Variants in NAV2 observed in about 807,000 individuals in gnomAD.
NAV2 encodes neuron navigator 2.
In NAV2, 54 loss-of-function variants were observed where a neutral mutation model predicts 223.2. The observed-to-expected ratio is 0.24, with a 90% CI of 0.19 to 0.30. The LOEUF is 0.30. Among genes scored for constraint, NAV2 ranks in the 10% least tolerant of loss-of-function variants. NAV2 has a pLI of 1.00. For synonymous variants in NAV2, 1,279 were observed against 1,239.3 expected (o/e 1.03, Z -0.67); for missense variants, 2,806 against 3,147.5 (o/e 0.89, Z 2.60).
chr11:19,610,240 A>AT (rs964619862), intron 1 of NAV2, among the ~76,000 whole-genome samples: 1 of 151,962 alleles, frequency 6.6e-6, no homozygotes, highest in Non-Finnish European at 1.5e-5. Context: ...CAATTCAATC[A>AT]TTTTTTTTCT....
At chr11:20,109,774 A>G (rs1336530525) in intron 36 of NAV2, among the ~76,000 whole-genome samples, 3 of 152,204 alleles carry the variant, frequency 2.0e-5, no homozygotes, top group Non-Finnish European at 4.4e-5. Flanking sequence ...CTTCTGGTGT[A>G]GGAAGGGGAG....
intron 1 of NAV2, among the ~76,000 whole-genome samples, chr11:19,635,897 G>A (rs2047484900): frequency 6.6e-6 from 1 of 152,210 alleles, no homozygotes; most frequent in Non-Finnish European, 1.5e-5. Context: ...GGATAGGTGA[G>A]CAGAGGGTAT....
intron 25 of NAV2, among the ~76,000 whole-genome samples, chr11:20,082,794 A>C (rs1272094180): frequency 6.6e-6 from 1 of 152,202 alleles, no homozygotes. Context: ...TAGGCATGGA[A>C]TGTTACCCAC....
chr11:19,669,752 T>C (rs1008299387), intron 1 of NAV2, among the ~76,000 whole-genome samples: 6 of 152,138 alleles, frequency 3.9e-5, no homozygotes, highest in Non-Finnish European at 7.4e-5. Flanking sequence ...CCTTTCCTCT[T>C]AGTAAATTCC....
At chr11:19,781,779 A>G (rs184103751) in intron 1 of NAV2, among the ~76,000 whole-genome samples, 1 of 151,788 alleles carries the variant, frequency 6.6e-6, no homozygotes, top group African/African-American at 2.4e-5. Flanking sequence ...TTTAATCCCT[A>G]ACTTTATGGA....
intron 1 of NAV2, among the ~76,000 whole-genome samples, chr11:19,648,118 T>A (rs2047868712): frequency 1.3e-5 from 2 of 152,288 alleles, no homozygotes; most frequent in South Asian, 4.1e-4. Flanking sequence ...GAGCTACTTG[T>A]GAAAAGCAGT....
chr11:19,716,825 A>G (rs898037986), intron 1 of NAV2, among the ~76,000 whole-genome samples: 6 of 152,358 alleles, frequency 3.9e-5, no homozygotes, highest in African/African-American at 1.4e-4. Flanking sequence ...ATCACTTTCT[A>G]TGTGCCAGGA....
intron 1 of NAV2, among the ~76,000 whole-genome samples, chr11:19,416,174 A>T (rs937076391): frequency 6.6e-6 from 1 of 152,218 alleles, no homozygotes; most frequent in Admixed American, 6.5e-5. Flanking sequence ...TTCAGATGAC[A>T]TGATTGTATA....
chr11:19,560,440 G>T (rs1038155666), intron 1 of NAV2, among the ~76,000 whole-genome samples: 1 of 152,190 alleles, frequency 6.6e-6, no homozygotes, highest in Non-Finnish European at 1.5e-5. Context: ...TTTAATTGGA[G>T]TCTCTGAGCC....
Position 19,714,613 on chromosome 11 carries a change from TGGG to T in NAV2, c.267+654_267+656del, listed in dbSNP as rs572173978. 3.3e-3 allele frequency: 1,122 copies of T among 343,444 alleles called. 23 individuals are homozygous for T. The Admixed American group carries it at 0.035, about 11-fold the overall frequency. 21.3% of individuals were successfully genotyped at this position (343,444 alleles called of 1,614,324 possible). A position where few individuals can be genotyped will look rare whatever the true frequency, so the allele number is the denominator to read the frequency against. ...CCTTGGCTGGCTGTTGCGGTGGGGGTGGGGGTGGAGGTGGCTGCCTCAGAATGG... is the reference window on the plus strand; with the variant it reads ...CCTTGGCTGGCTGTTGCGGTGGGGGTGGTGGAGGTGGCTGCCTCAGAATGG... On this transcript the variant is annotated intron_variant, in intron 1 of 37. Coordinates refer to ENST00000349880, the MANE Select transcript of NAV2 (RefSeq NM_145117.5).
At chr11:20,037,905 C>T (rs1308964026) in intron 12 of NAV2, among the ~76,000 whole-genome samples, 4 of 97,210 alleles carry the variant, frequency 4.1e-5, no homozygotes, top group Non-Finnish European at 8.2e-5. Context: ...TCCTTAGATA[C>T]TAAGGAAGGA....
At chr11:20,020,279 C>G (rs905627180) in intron 11 of NAV2, among the ~76,000 whole-genome samples, 1 of 152,198 alleles carries the variant, frequency 6.6e-6, no homozygotes, top group East Asian at 1.9e-4. Flanking sequence ...TTATAGATGG[C>G]TCTGTGAGTA....
intron 1 of NAV2, among the ~76,000 whole-genome samples, chr11:19,584,294 G>A (rs569216147): frequency 5.3e-5 from 8 of 151,852 alleles, no homozygotes; most frequent in Non-Finnish European, 1.0e-4. Flanking sequence ...TCTTGCTAGC[G>A]GTCTATCGAT....
chr11:19,750,201 A>G (rs1426637198), intron 1 of NAV2, among the ~76,000 whole-genome samples: 1 of 152,062 alleles, frequency 6.6e-6, no homozygotes, highest in Non-Finnish European at 1.5e-5. Flanking sequence ...TGGTATGCTC[A>G]TCTCACCCCC....
chr11:19,889,758 A>G (rs2041332746), intron 5 of NAV2, among the ~76,000 whole-genome samples: 1 of 152,240 alleles, frequency 6.6e-6, no homozygotes, highest in African/African-American at 2.4e-5. Context: ...CATTCCAGAG[A>G]GTGGAGCCCA....
chr11:19,964,492 C>CCTTTTT (rs60424234), intron 10 of NAV2, among the ~76,000 whole-genome samples: 1 of 146,606 alleles, frequency 6.8e-6, no homozygotes, highest in African/African-American at 2.5e-5. Flanking sequence ...TTTTCATCCT[C>CCTTTTT]TTTTTTTTTT....
intron 1 of NAV2, among the ~76,000 whole-genome samples, chr11:19,392,138 T>C (rs1169493043): frequency 1.3e-5 from 2 of 152,190 alleles, no homozygotes; most frequent in Admixed American, 1.3e-4. Context: ...AAAAGTAGTA[T>C]GGAATAGTGG....
At chr11:20,048,671 G>A (rs531464118) in intron 14 of NAV2, 57 bp from the exon 15 acceptor site, 3 of 1,454,720 alleles carry the variant, frequency 2.1e-6, no homozygotes, top group South Asian at 2.4e-5. Flanking sequence ...TTCTTTAACA[G>A]TCCGGTGCCC....
At chr11:19,621,680 A>G (rs2047001521) in intron 1 of NAV2, among the ~76,000 whole-genome samples, 1 of 151,676 alleles carries the variant, frequency 6.6e-6, no homozygotes, top group Non-Finnish European at 1.5e-5. Context: ...CGGTCTATCA[A>G]TTTTGTTGAT....
Sources: gnomAD v4.1 joint callset for allele counts (sites outside exome capture counted in the v4.1 genomes callset) on GRCh38, gnomAD v4.1.1 for gene constraint, MANE v1.5 for transcripts, NCBI Gene and HGNC (gene_info 2026-07-23, HGNC 2026-07-21) for gene names.